The following DGKG variants were observed in gnomAD, a reference collection of about 807,000 sequenced individuals.
DGKG encodes DAG kinase gamma.
In DGKG, 78 loss-of-function variants were observed where a neutral mutation model predicts 105.3. That is an observed-to-expected ratio of 0.74 (90% CI 0.62 to 0.89). The LOEUF is 0.89. Ranked by LOEUF, DGKG falls within the 40% of genes least tolerant of loss-of-function variation. The pLI, the probability that DGKG is intolerant of heterozygous loss-of-function variation, is 0.00. For synonymous variants in DGKG, 346 were observed against 367.1 expected, an observed-to-expected ratio of 0.94 and a Z score of 0.66; for missense variants, 958 against 1,020.1, an observed-to-expected ratio of 0.94 and a Z score of 0.83.
chr3:186,159,620 G>A (rs1393004564), intron 24 of DGKG: 2 of 152,148 alleles, frequency 1.3e-5, no homozygotes, highest in Admixed American at 6.6e-5. Flanking sequence ...CCATTCTTAA[G>A]GCTTTAATTT....
intron 19 of DGKG, among the ~76,000 whole-genome samples, chr3:186,250,727 T>G (rs1721177641): frequency 6.6e-6 from 1 of 151,726 alleles, no homozygotes. Flanking sequence ...TTTTTATATT[T>G]TTAGTAGAGA....
chr3:186,353,380 G>A lies in DGKG; in HGVS notation c.-249+8566C>T, dbSNP rs148954235. Reference sequence around the variant, plus strand: ...TTAAAAACACAAAAATTAGCCAGATGTGGTGGCATGCATCTGTAATCCCAG... The same window carrying A: ...TTAAAAACACAAAAATTAGCCAGATATGGTGGCATGCATCTGTAATCCCAG... On this transcript the variant is annotated intron_variant, in intron 1 of 24. Transcript: ENST00000265022. Among the ~76,000 whole-genome samples, 842 of 151,910 alleles carry A rather than the reference G, an allele frequency of 5.5e-3. 8 individuals carry two copies. The highest frequency in any genetic ancestry group is 0.019 in the African/African-American group (793 of 41,402).
chr3:186,249,424 T>G (rs1721101510), intron 19 of DGKG, among the ~76,000 whole-genome samples: 1 of 152,242 alleles, frequency 6.6e-6, no homozygotes, highest in Admixed American at 6.5e-5. Flanking sequence ...AAAATAGAGA[T>G]AATAATGCCC....
chr3:186,239,610 G>A (rs1420251119), intron 20 of DGKG, among the ~76,000 whole-genome samples: 1 of 152,220 alleles, frequency 6.6e-6, no homozygotes, highest in Non-Finnish European at 1.5e-5. Context: ...GGTAGAAGCA[G>A]TATGTATGCA....
At chr3:186,316,095 G>A (rs1305664746) in intron 2 of DGKG, among the ~76,000 whole-genome samples, 1 of 152,260 alleles carries the variant, frequency 6.6e-6, no homozygotes, top group Non-Finnish European at 1.5e-5. Context: ...CACCATGTGA[G>A]TGAATGAGCC....
intron 22 of DGKG, among the ~76,000 whole-genome samples, chr3:186,176,733 G>A (rs965896258): frequency 6.6e-6 from 1 of 152,180 alleles, no homozygotes; most frequent in East Asian, 1.9e-4. Flanking sequence ...AAAATGAGAC[G>A]ATGAATGTAA....
At chr3:186,200,226 C>T (rs981068752) in intron 21 of DGKG, among the ~76,000 whole-genome samples, 2 of 152,082 alleles carry the variant, frequency 1.3e-5, no homozygotes, top group African/African-American at 2.4e-5. Flanking sequence ...GAAAGGCAGC[C>T]ATGTGGAGGA....
Position 186,268,427 on chromosome 3 carries a change from C to A in DGKG, c.1116+374G>T, listed in dbSNP as rs181205860. 5.9e-5 allele frequency among the ~76,000 whole-genome samples: 9 copies of A among 152,298 alleles called. No individual in the cohort carries two copies. The East Asian group carries it at 1.7e-3, about 29-fold the overall frequency. On this transcript the variant is annotated intron_variant, in intron 12 of 24. Transcript: ENST00000265022. The stretch of plus-strand genomic sequence containing the variant: ...AATGTGCCTTCAGGGCAGGCACCCC[C>A]TCCTATGATGCTCCTGTTGTCCAAT...
Position 186,203,641 on chromosome 3 carries a change from G to A in DGKG, c.1917+8154C>T, listed in dbSNP as rs1718581871. Among the ~76,000 whole-genome samples the A allele has an allele frequency of 6.6e-6, 1 of 152,136 alleles. No homozygotes were observed. Among genetic ancestry groups the A allele is most frequent in the Admixed American group, 6.5e-5 (1 of 15,280 alleles). ...GCTGGAATGAGGGAGCTGCTGGACT[G>A]GATTGAGGAAGGGGAATAAACTAGA... On this transcript the variant is annotated intron_variant, in intron 21 of 24. Coordinates refer to ENST00000265022, the MANE Select transcript of DGKG (RefSeq NM_001346.3). This position sits in a 1 kb window ranked among gnomAD's most constrained non-coding sequence, Gnocchi z 4.9.
chr3:186,306,834 G>T, intron 3 of DGKG, 67 bp downstream of exon 3: 1 of 1,151,446 alleles, frequency 8.7e-7, no homozygotes, highest in African/African-American at 1.5e-5. Flanking sequence ...CTCCAAGAGG[G>T]AAACAAATTA....
At chr3:186,330,905 G>C (rs79371872) in intron 1 of DGKG, among the ~76,000 whole-genome samples, 2,970 of 152,276 alleles carry the variant, frequency 0.02, 96 homozygotes, top group African/African-American at 0.068. Flanking sequence ...AGATTTTGGG[G>C]CAGTTAGTTA....
intron 11 of DGKG, among the ~76,000 whole-genome samples, chr3:186,269,579 C>G (rs1372305365): frequency 6.6e-6 from 1 of 152,198 alleles, no homozygotes; most frequent in East Asian, 1.9e-4. Flanking sequence ...TTTAGACATC[C>G]TAATGCCCAG....
chr3:186,279,675 A>G, intron 9 of DGKG, 176 bp downstream of exon 9: 1 of 580,070 alleles, frequency 1.7e-6, no homozygotes, highest in Non-Finnish European at 2.9e-6. Context: ...TGTCAAATGA[A>G]TATACTTCAG....
At chr3:186,272,870 G>A (rs1484207909) in intron 10 of DGKG, among the ~76,000 whole-genome samples, 2 of 151,956 alleles carry the variant, frequency 1.3e-5, no homozygotes, top group Admixed American at 6.6e-5. Flanking sequence ...AGGCGTTACA[G>A]GCGTGCACCA....
rs894024339 is a variant in DGKG, at chr3:186,152,248, G to GAGTCTCTGTTT, written c.2278-2061_2278-2060insAAACAGAGACT. On this transcript the variant is annotated intron_variant, in intron 24 of 24. Coordinates refer to ENST00000265022, the MANE Select transcript of DGKG (RefSeq NM_001346.3). The stretch of plus-strand genomic sequence containing the variant: ...GGGAGAGAGTCTCTGTTTTTTGATA[G>GAGTCTCTGTTT]TCACCAGAGGAGAAAACCGAGAATG... Among the ~76,000 whole-genome samples the GAGTCTCTGTTT allele has an allele frequency of 4.3e-4, 66 of 152,200 alleles. No individual in the cohort carries two copies. The East Asian group carries it at 9.3e-3, about 21-fold the overall frequency.
chr3:186,337,356 C>T (rs1357835751), intron 1 of DGKG, among the ~76,000 whole-genome samples: 1 of 151,966 alleles, frequency 6.6e-6, no homozygotes, highest in Non-Finnish European at 1.5e-5. Context: ...ATATGACCAT[C>T]TCAATATATG....
At chr3:186,274,802 G>A (rs1215088384) in intron 10 of DGKG, among the ~76,000 whole-genome samples, 1 of 152,010 alleles carries the variant, frequency 6.6e-6, no homozygotes, top group African/African-American at 2.4e-5. Flanking sequence ...GGACATTTGG[G>A]TTGGTTCTAA....
chr3:186,273,333 G>T (rs112671927), intron 10 of DGKG, among the ~76,000 whole-genome samples: 73 of 146,970 alleles, frequency 5.0e-4, no homozygotes, highest in African/African-American at 1.7e-3. Context: ...GTAAGAGCTG[G>T]GTTTGAACTG....
intron 11 of DGKG, among the ~76,000 whole-genome samples, chr3:186,271,660 C>G (rs865897835): frequency 2.6e-5 from 4 of 152,194 alleles, no homozygotes; most frequent in Admixed American, 6.5e-5. Context: ...CTCAGCTGGC[C>G]TCATAAGACC....
Sources: allele counts gnomAD v4.1 joint callset (sites outside exome capture counted in the v4.1 genomes callset), GRCh38; gene constraint gnomAD v4.1.1; non-coding constraint Gnocchi (gnomAD v3.1); transcripts MANE v1.5; gene names NCBI Gene and HGNC (gene_info 2026-07-23, HGNC 2026-07-21).